The following NAALADL2 variants were observed in gnomAD, a reference collection of about 807,000 sequenced individuals.
The protein encoded by NAALADL2 is N-acetylated alpha-linked acidic dipeptidase like 2.
A neutral mutation model predicts 87.2 loss-of-function variants in NAALADL2; 76 were observed. That is an observed-to-expected ratio of 0.87 (90% CI 0.72 to 1.05). NAALADL2 has a LOEUF of 1.05. Ranked by LOEUF, NAALADL2 falls within the 50% of genes least tolerant of loss-of-function variation. NAALADL2 has a pLI of 0.00. For synonymous variants in NAALADL2, 354 were observed against 331.0 expected (o/e 1.07, Z -0.75); for missense variants, 1,089 against 945.8 (o/e 1.15, Z -1.99).
At chr3:174,922,193 C>T (rs957485507) in intron 1 of NAALADL2, among the ~76,000 whole-genome samples, 17 of 151,466 alleles carry the variant, frequency 1.1e-4, no homozygotes, top group Non-Finnish European at 1.9e-4. Flanking sequence ...ACCTGTAGTC[C>T]TACGTTCTTG....
chr3:174,847,434 C>A (rs759422302), intron 3 of NAALADL2, among the ~76,000 whole-genome samples: 2 of 152,084 alleles, frequency 1.3e-5, no homozygotes, highest in African/African-American at 4.8e-5. Flanking sequence ...CACTCTTATC[C>A]TATTGATGGC....
intron 1 of NAALADL2, among the ~76,000 whole-genome samples, chr3:175,013,199 T>TATATA (rs1453963126): frequency 2.2e-5 from 2 of 92,130 alleles, no homozygotes; most frequent in African/African-American, 1.2e-4. Flanking sequence ...TATATATACA[T>TATATA]AAATATATAA....
rs1299189453 is a variant in NAALADL2 at position 175,808,147 on chromosome 3, G to A, written c.*4944G>A. ...CTGACAAAGATATACACACTGAAGT[G>A]CCTTTAGCAGACCTGGGACCGTCAA... On this transcript the variant is annotated 3_prime_UTR_variant, in exon 14 of 14. Transcript: ENST00000454872. The A allele has an allele frequency of 1.3e-5, 2 of 151,854 alleles. No individual in the cohort carries two copies. The highest frequency in any genetic ancestry group is 2.1e-4 in the South Asian group (1 of 4,832). The allele number at this position is 151,854 out of a possible 1,614,324, so 9.4% of individuals were successfully genotyped here. A position where few individuals can be genotyped will look rare whatever the true frequency, so the allele number is the denominator to read the frequency against.
intron 5 of NAALADL2, among the ~76,000 whole-genome samples, chr3:175,328,991 G>A (rs565655576): frequency 6.6e-6 from 1 of 152,104 alleles, no homozygotes; most frequent in Non-Finnish European, 1.5e-5. Context: ...ATAGTATTAG[G>A]AATAACAAAT....
chr3:175,093,502 ATTT>A (rs976798271), intron 1 of NAALADL2, among the ~76,000 whole-genome samples: 14 of 147,536 alleles, frequency 9.5e-5, no homozygotes, highest in Admixed American at 8.8e-4. Flanking sequence ...TGTCTATACT[ATTT>A]TTAAGCTAAA....
In NAALADL2 at chr3:174,759,092, A is replaced by C. The variant is rs1712542988; in HGVS notation, c.-9+21346A>C. On this transcript the variant is annotated intron_variant, in intron 3 of 3. Coordinates refer to the NAALADL2 transcript ENST00000434257. Reference sequence around the variant, plus strand: ...TAGAAAGCATAAGATTTGTTTCTCCAGAAATTTAGAATTAACTAGAAGAAA... The same window carrying C: ...TAGAAAGCATAAGATTTGTTTCTCCCGAAATTTAGAATTAACTAGAAGAAA... Among the ~76,000 whole-genome samples the C allele has an allele frequency of 2.0e-5, 3 of 152,302 alleles. No individual in the cohort carries two copies. The South Asian group carries it at 6.2e-4, about 32-fold the overall frequency.
At chr3:175,413,963 G>C (rs1032941047) in intron 5 of NAALADL2, among the ~76,000 whole-genome samples, 6 of 152,078 alleles carry the variant, frequency 3.9e-5, no homozygotes, top group African/African-American at 1.4e-4. Context: ...GGCCTTTGCT[G>C]GGGAACCACC....
intron 1 of NAALADL2, among the ~76,000 whole-genome samples, chr3:174,984,989 A>T (rs1037264070): frequency 6.6e-6 from 1 of 152,222 alleles, no homozygotes; most frequent in Non-Finnish European, 1.5e-5. Context: ...AGAAACTTGC[A>T]GAAGGTATAT....
At chr3:175,028,597 G>A (rs1379453724) in intron 1 of NAALADL2, among the ~76,000 whole-genome samples, 1 of 151,928 alleles carries the variant, frequency 6.6e-6, no homozygotes, top group African/African-American at 2.4e-5. Context: ...CAGAAGTTCA[G>A]TGTTTTCCCT....
Position 174,695,541 on chromosome 3 carries a change from T to A in NAALADL2, c.-114-42100T>A, listed in dbSNP as rs554347565. ...GTCAAAATGCCCCAATATTTTAAATTTTATATCACTAGATAAGTGTAACAG... is the reference window on the plus strand; with the variant it reads ...GTCAAAATGCCCCAATATTTTAAATATTATATCACTAGATAAGTGTAACAG... On this transcript the variant is annotated intron_variant, in intron 2 of 3. Transcript: ENST00000434257. Among the ~76,000 whole-genome samples, 44 of 152,132 alleles carry A rather than the reference T, an allele frequency of 2.9e-4. 1 individual carries two copies. Among genetic ancestry groups the A allele is most frequent in the Admixed American group, 1.1e-3 (17 of 15,260 alleles).
chr3:175,480,062 T>G (rs1726233683), intron 9 of NAALADL2, among the ~76,000 whole-genome samples: 1 of 151,696 alleles, frequency 6.6e-6, no homozygotes, highest in Admixed American at 6.6e-5. Context: ...ATTTATAAAG[T>G]AATTCATTCA....
chr3:174,820,570 T>C (rs1194005997), intron 3 of NAALADL2, among the ~76,000 whole-genome samples: 3 of 152,122 alleles, frequency 2.0e-5, no homozygotes, highest in Non-Finnish European at 4.4e-5. Flanking sequence ...TAAAAATGTA[T>C]ATGGCATTTG....
At chr3:175,648,088 A>C (rs987248325) in intron 11 of NAALADL2, among the ~76,000 whole-genome samples, 1 of 152,190 alleles carries the variant, frequency 6.6e-6, no homozygotes, top group Non-Finnish European at 1.5e-5. Flanking sequence ...CTGGAGATTT[A>C]GCATATTTGC....
intron 2 of NAALADL2, among the ~76,000 whole-genome samples, chr3:174,609,599 A>G (rs1719569532): frequency 6.6e-6 from 1 of 152,196 alleles, no homozygotes; most frequent in Non-Finnish European, 1.5e-5. Context: ...TAGGAATGCA[A>G]CTTACAAGGG....
chr3:174,910,173 T>C (rs1057293407), intron 1 of NAALADL2, among the ~76,000 whole-genome samples: 2 of 151,988 alleles, frequency 1.3e-5, no homozygotes, highest in Non-Finnish European at 2.9e-5. Flanking sequence ...TACATATATA[T>C]ATATCACATA....
intron 9 of NAALADL2, among the ~76,000 whole-genome samples, chr3:175,575,395 C>T (rs559791953): frequency 3.6e-4 from 55 of 152,196 alleles, no homozygotes; most frequent in African/African-American, 1.2e-3. Context: ...AACAAGTCTC[C>T]TGCTTCATCC....
At chr3:174,576,967 T>G (rs1453915579) in intron 2 of NAALADL2, among the ~76,000 whole-genome samples, 1 of 151,876 alleles carries the variant, frequency 6.6e-6, no homozygotes, top group Non-Finnish European at 1.5e-5. Context: ...GAGAGACTGA[T>G]TTTTTTTCTA....
intron 1 of NAALADL2, among the ~76,000 whole-genome samples, chr3:174,514,758 T>C (rs1055659290): frequency 6.6e-6 from 1 of 152,184 alleles, no homozygotes; most frequent in Non-Finnish European, 1.5e-5. Context: ...ATTATCAACC[T>C]CTGGAGAGTA....
chr3:175,131,299 G>T (rs1727810695), intron 2 of NAALADL2, among the ~76,000 whole-genome samples: 1 of 151,928 alleles, frequency 6.6e-6, no homozygotes, highest in South Asian at 2.1e-4. Context: ...GGACCCTGCG[G>T]CCTTCTGCAG....
Sources: allele counts gnomAD v4.1 joint callset (sites outside exome capture counted in the v4.1 genomes callset), GRCh38; gene constraint gnomAD v4.1.1; transcripts MANE v1.5; gene names NCBI Gene and HGNC (gene_info 2026-07-23, HGNC 2026-07-21).